The following KIAA1328 variants were observed in gnomAD, a reference collection of about 807,000 sequenced individuals.
The protein encoded by KIAA1328 is KIAA1328, also known as protein hinderin.
A neutral mutation model predicts 68.1 loss-of-function variants in KIAA1328; 52 were observed. That is an observed-to-expected ratio of 0.76 (90% CI 0.61 to 0.96). The LOEUF is 0.96. KIAA1328 is among the 40% of genes least tolerant of loss of function. The pLI is 0.00. For synonymous variants in KIAA1328, 232 were observed against 239.4 expected (o/e 0.97, Z 0.28); for missense variants, 641 against 677.6 (o/e 0.95, Z 0.60).
intron 5 of KIAA1328, among the ~76,000 whole-genome samples, chr18:36,932,796 A>G (rs1405325088): frequency 6.6e-6 from 1 of 152,226 alleles, no homozygotes; most frequent in Non-Finnish European, 1.5e-5. Context: ...TAAAAGACGC[A>G]GTGGGGTTTC....
intron 5 of KIAA1328, among the ~76,000 whole-genome samples, chr18:36,940,835 C>T (rs2050684006): frequency 6.6e-6 from 1 of 151,998 alleles, no homozygotes; most frequent in African/African-American, 2.4e-5. Context: ...GCCACCACGA[C>T]CAGCTAATTT....
At chr18:37,014,691 T>C (rs2054090162) in intron 6 of KIAA1328, among the ~76,000 whole-genome samples, 1 of 151,920 alleles carries the variant, frequency 6.6e-6, no homozygotes, top group South Asian at 2.1e-4. Context: ...CTACACACTT[T>C]TAGACAACCA....
At chr18:37,156,426 CAAAA>C (rs769062667) in intron 7 of KIAA1328, among the ~76,000 whole-genome samples, 2 of 36,106 alleles carry the variant, frequency 5.5e-5, no homozygotes, top group African/African-American at 1.7e-4. Flanking sequence ...AACTCCGCCT[CAAAA>C]AAAAAAAAAA....
chr18:37,191,830 A>G (rs1214180309), intron 9 of KIAA1328, among the ~76,000 whole-genome samples: 1 of 152,220 alleles, frequency 6.6e-6, no homozygotes, highest in Non-Finnish European at 1.5e-5. Context: ...GGAGCCATCT[A>G]TACTTATCAA....
intron 5 of KIAA1328, among the ~76,000 whole-genome samples, chr18:36,888,181 C>T (rs912265451): frequency 6.6e-6 from 1 of 152,158 alleles, no homozygotes; most frequent in African/African-American, 2.4e-5. Context: ...GGGGGGAGAA[C>T]ACTACTACTG....
chr18:36,970,172 T>A (rs558337444), intron 6 of KIAA1328, among the ~76,000 whole-genome samples: 5 of 152,292 alleles, frequency 3.3e-5, no homozygotes, highest in Admixed American at 1.3e-4. Context: ...TCAATAAACA[T>A]AATCCATCAC....
At chr18:36,954,286 C>A (rs977077381) in intron 5 of KIAA1328, 7 of 152,166 alleles carry the variant, frequency 4.6e-5, no homozygotes, top group African/African-American at 1.7e-4. Context: ...CTTACAGCAT[C>A]ATTTAATTTA....
chr18:37,013,290 A>T (rs2054038652), intron 6 of KIAA1328, among the ~76,000 whole-genome samples: 1 of 152,184 alleles, frequency 6.6e-6, no homozygotes, highest in Non-Finnish European at 1.5e-5. Context: ...CCTTTGAAAA[A>T]TTAAATAATC....
intron 9 of KIAA1328, among the ~76,000 whole-genome samples, chr18:37,198,590 A>G (rs1275371373): frequency 1.3e-5 from 2 of 152,224 alleles, no homozygotes; most frequent in African/African-American, 4.8e-5. Flanking sequence ...TCCAGTAAGC[A>G]ATAAAATATT....
At chr18:36,902,730 T>A (rs1277782069) in intron 5 of KIAA1328, among the ~76,000 whole-genome samples, 1 of 152,038 alleles carries the variant, frequency 6.6e-6, no homozygotes, top group Non-Finnish European at 1.5e-5. Context: ...TTACCACCTC[T>A]TTTTTAGAGA....
rs148326679 is a variant in KIAA1328 at position 37,114,444 on chromosome 18, C to A, written c.1233-45756C>A. Among the ~76,000 whole-genome samples the A allele has an allele frequency of 8.8e-3, 1,335 of 152,224 alleles. 21 individuals are homozygous for A. Among genetic ancestry groups the A allele is most frequent in the African/African-American group, 0.03 (1,248 of 41,552 alleles). ...TAATAAAATGAAGGCAGAAATAAAG[C>A]TATTCTTTGAAACCAATGAGAACAA... On this transcript the variant is annotated intron_variant, in intron 7 of 9. Transcript: ENST00000280020.
At chr18:36,952,927 G>A (rs2051220618) in intron 5 of KIAA1328, among the ~76,000 whole-genome samples, 1 of 151,638 alleles carries the variant, frequency 6.6e-6, no homozygotes, top group Non-Finnish European at 1.5e-5. Flanking sequence ...TGTGGTAGAG[G>A]TAGGAAGACA....
chr18:37,189,347 A>G (rs2154217120), intron 9 of KIAA1328, among the ~76,000 whole-genome samples: 1 of 152,332 alleles, frequency 6.6e-6, no homozygotes, highest in African/African-American at 2.4e-5. Context: ...TGGTGGGAAA[A>G]AAAGTCAGAC....
At chr18:36,865,144 A>C (rs936513457) in intron 4 of KIAA1328, among the ~76,000 whole-genome samples, 2 of 151,514 alleles carry the variant, frequency 1.3e-5, no homozygotes, top group Non-Finnish European at 2.9e-5. Flanking sequence ...CTTAGAGATC[A>C]TTCTTTTTCA....
chr18:37,103,507 A>G (rs2057684407), intron 7 of KIAA1328, among the ~76,000 whole-genome samples: 1 of 152,212 alleles, frequency 6.6e-6, no homozygotes, highest in Non-Finnish European at 1.5e-5. Context: ...ATCAACTCAC[A>G]ATGGATTAAA....
At chr18:37,049,819 A>T (rs2151658712) in intron 6 of KIAA1328, among the ~76,000 whole-genome samples, 1 of 152,288 alleles carries the variant, frequency 6.6e-6, no homozygotes, top group African/African-American at 2.4e-5. Context: ...AGTGTGGGTT[A>T]TACTTTTTGG....
chr18:37,178,416 T>C (rs1208202933), intron 9 of KIAA1328, among the ~76,000 whole-genome samples: 2 of 152,172 alleles, frequency 1.3e-5, no homozygotes, highest in African/African-American at 4.8e-5. Flanking sequence ...AATGACAGGA[T>C]TTCATTCTTA....
intron 6 of KIAA1328, among the ~76,000 whole-genome samples, chr18:37,041,269 T>C (rs1043150630): frequency 1.3e-5 from 2 of 152,066 alleles, no homozygotes; most frequent in African/African-American, 4.8e-5. Context: ...ATGTCTTTCT[T>C]ATTAATTTAC....
chr18:36,912,542 G>T (rs896104302), intron 5 of KIAA1328, among the ~76,000 whole-genome samples: 4 of 152,078 alleles, frequency 2.6e-5, no homozygotes, highest in African/African-American at 9.7e-5. Flanking sequence ...TGCAGGTTTT[G>T]GGGATTAGGA....
Sources: gnomAD v4.1 joint callset for allele counts (sites outside exome capture counted in the v4.1 genomes callset) on GRCh38, gnomAD v4.1.1 for gene constraint, MANE v1.5 for transcripts, NCBI Gene and HGNC (gene_info 2026-07-23, HGNC 2026-07-21) for gene names.